The following ZNF780A variants were observed in gnomAD, a reference collection of about 807,000 sequenced individuals.
ZNF780A encodes zinc finger protein 780A.
Under a neutral mutation model 56.7 loss-of-function variants are expected in ZNF780A, and 40 were observed. The observed-to-expected ratio is 0.71, with a 90% CI of 0.55 to 0.92. The LOEUF (loss-of-function observed/expected upper bound fraction) is 0.92. Ranked by LOEUF, ZNF780A falls within the 40% of genes least tolerant of loss-of-function variation. The pLI, the probability that ZNF780A is intolerant of heterozygous loss-of-function variation, is 0.00. For synonymous variants in ZNF780A, 231 were observed against 248.3 expected (o/e 0.93, Z 0.66); for missense variants, 672 against 783.3 (o/e 0.86, Z 1.70).
chr19:40,074,569 GA>G lies in ZNF780A; in HGVS notation c.1872del (p.Thr626ProfsTer112). ...TTCTTATGGCGATTAAGCTGGGTGGGAAGACTAAAAACCTTTCCACATTCCT... is the reference window on the plus strand; with the variant it reads ...TTCTTATGGCGATTAAGCTGGGTGGGAGACTAAAAACCTTTCCACATTCCT... ...ECKECGKVFS[L>X]PTQLNRHKNI... On this transcript the variant is annotated frameshift_variant, in exon 6 of 6. Transcript: ENST00000683561. LOFTEE classifies it high-confidence loss of function. 1.2e-6 allele frequency: 2 copies of G among 1,613,926 alleles called. No homozygotes were observed. Among genetic ancestry groups the G allele is most frequent in the Non-Finnish European group, 1.7e-6 (2 of 1,179,962 alleles).
intron 1 of ZNF780A, 85 bp downstream of exon 1, chr19:40,090,821 C>T (rs1975125938): frequency 6.6e-6 from 1 of 152,458 alleles, no homozygotes; most frequent in Non-Finnish European, 1.5e-5. Context: ...AGGCCACCCG[C>T]ACTGTCGGGT....
downstream of ZNF780A, chr19:40,070,885 G>A (rs866154519): frequency 1.3e-5 from 2 of 152,012 alleles, no homozygotes; most frequent in African/African-American, 4.8e-5. Flanking sequence ...GTTGTGCTGG[G>A]TTAATACCCA....
chr19:40,074,574 C>T lies in ZNF780A; in HGVS notation c.1868G>A (p.Ser623Asn), dbSNP rs1207239428. ...ATGGCGATTAAGCTGGGTGGGAAGACTAAAAACCTTTCCACATTCCTTACA... is the reference window on the plus strand; with the variant it reads ...ATGGCGATTAAGCTGGGTGGGAAGATTAAAAACCTTTCCACATTCCTTACA... ...FECKECGKVF[S>N]LPTQLNRHKN... Residue 623 changes from serine to asparagine, a missense_variant, in exon 6 of 6, where the codon AGT becomes AAT. Coordinates refer to ENST00000683561, the MANE Select transcript of ZNF780A (RefSeq NM_001142578.2). The T allele has an allele frequency of 6.2e-7, 1 of 1,613,998 alleles. No individual in the cohort carries two copies. The highest frequency in any genetic ancestry group is 1.1e-5 in the South Asian group (1 of 91,068).
chr19:40,073,817 C>G lies in ZNF780A; in HGVS notation c.*699G>C, dbSNP rs114039231. The G allele has an allele frequency of 9.7e-4, 956 of 989,450 alleles. 9 individuals carry two copies. In the African/African-American group the frequency reaches 0.016, roughly 16 times the overall value. The allele number at this position is 989,450 out of a possible 1,614,324, so 61.3% of individuals were successfully genotyped here. ...TGGTGTTGAGTAAATTTTTCGTACA[C>G]AGTGAAGGCTTGTCCACACTCCTTA... On this transcript the variant is annotated 3_prime_UTR_variant, in exon 6 of 6. Transcript: ENST00000683561.
chr19:40,089,161 G>C (rs1042910716), intron 2 of ZNF780A: 9 of 1,148,558 alleles, frequency 7.8e-6, no homozygotes, highest in Non-Finnish European at 1.0e-5. Flanking sequence ...AAAATGCTAG[G>C]AGGGTGGATA....
rs188848931 is a variant in ZNF780A, at chr19:40,084,379, T to C, written c.9+366A>G. ...TCTACCTTAGCTACCTGGAAAGCTC[T>C]AGTCTGTAAAGTTTCAAAGTGTTCC... On this transcript the variant is annotated intron_variant, in intron 3 of 5. Transcript: ENST00000683561. Among the ~76,000 whole-genome samples, 829 of 152,340 alleles carry C rather than the reference T, an allele frequency of 5.4e-3. 1 individual carries two copies. Among genetic ancestry groups the C allele is most frequent in the Admixed American group, 8.6e-3 (131 of 15,282 alleles).
chr19:40,085,318 T>C, intron 2 of ZNF780A: 1 of 985,454 alleles, frequency 1.0e-6, no homozygotes, highest in Non-Finnish European at 1.2e-6. Context: ...TTCAGCATTC[T>C]AAATTCAGCA....
At chr19:40,077,051 C>A (rs974915039) in intron 5 of ZNF780A, among the ~76,000 whole-genome samples, 8 of 152,100 alleles carry the variant, frequency 5.3e-5, no homozygotes, top group African/African-American at 1.9e-4. Context: ...ATACCACTAC[C>A]ACTGCCAGCA....
At chr19:40,084,457 T>C (rs1974667653) in intron 3 of ZNF780A, among the ~76,000 whole-genome samples, 1 of 152,216 alleles carries the variant, frequency 6.6e-6, no homozygotes, top group South Asian at 2.1e-4. Flanking sequence ...CCTGTTTCCC[T>C]GTGGGGACTG....
intron 5 of ZNF780A, among the ~76,000 whole-genome samples, chr19:40,077,536 T>C (rs1330448203): frequency 6.6e-6 from 1 of 151,950 alleles, no homozygotes; most frequent in Non-Finnish European, 1.5e-5. Context: ...ACCCCTATGA[T>C]CCAATTACCT....
downstream of ZNF780A, chr19:40,072,283 C>A (rs568789987): frequency 3.5e-5 from 6 of 169,496 alleles, no homozygotes; most frequent in South Asian, 3.0e-4. Flanking sequence ...CAGTTGTTGG[C>A]CAACCTCCCC....
At chr19:40,090,873 C>T (rs1173192479) in intron 1 of ZNF780A, 33 bp downstream of exon 1, 1 of 152,390 alleles carries the variant, frequency 6.6e-6, no homozygotes, top group Non-Finnish European at 1.5e-5. Flanking sequence ...CTCCCGCAGC[C>T]ACAGATCTCT....
intron 3 of ZNF780A, 64 bp downstream of exon 3, chr19:40,084,681 T>C (rs1429462724): frequency 2.7e-6 from 4 of 1,501,540 alleles, no homozygotes; most frequent in Admixed American, 2.0e-5. Context: ...TCAGGTTAAA[T>C]AATAACAGTC....
At position 40,074,589 on chromosome 19, in the gene ZNF780A, C is replaced by T. The variant is rs765756011; in HGVS notation, c.1853G>A (p.Cys618Tyr). 10 of 1,613,962 alleles carry T rather than the reference C, an allele frequency of 6.2e-6. No individual in the cohort carries two copies. Among genetic ancestry groups the T allele is most frequent in the East Asian group, 2.2e-5 (1 of 44,874 alleles). ...GGTGGGAAGACTAAAAACCTTTCCA[C>T]ATTCCTTACATTCAAAGGGTTTCTC... is the stretch of plus-strand genomic sequence containing the variant. The part of the protein sequence containing the change: ...TGEKPFECKE[C>Y]GKVFSLPTQL... Residue 618 changes from cysteine to tyrosine, a missense_variant, in exon 6 of 6, where the codon TGT becomes TAT. By Grantham distance (194) the Cys-to-Tyr change is radical (BLOSUM62 -2). Coordinates refer to ENST00000683561, the MANE Select transcript of ZNF780A (RefSeq NM_001142578.2).
intron 2 of ZNF780A, chr19:40,089,516 T>C (rs779336595): frequency 4.2e-5 from 13 of 307,406 alleles, no homozygotes; most frequent in Non-Finnish European, 7.3e-5. Context: ...TAAGGGGCTT[T>C]ACGATATTAA....
rs1975132397 is a variant in ZNF780A at position 40,090,906 on chromosome 19, C to G, written c.-116G>C. ...TCTTCCTCAGACGTGAAGACCTTAC[C>G]CCGCTATGTCGTCGACCCCGGAGAC... On this transcript the variant is annotated splice_region_variant and 5_prime_UTR_variant, in exon 1 of 6. Coordinates refer to ENST00000683561, the MANE Select transcript of ZNF780A (RefSeq NM_001142578.2). The G allele has an allele frequency of 6.6e-6, 1 of 152,304 alleles. No individual in the cohort carries two copies. Among genetic ancestry groups the G allele is most frequent in the Non-Finnish European group, 1.5e-5 (1 of 68,158 alleles). The allele number at this position is 152,304 out of a possible 1,614,324, so 9.4% of individuals were successfully genotyped here. A position where few individuals can be genotyped will look rare whatever the true frequency, so the allele number is the denominator to read the frequency against.
At position 40,076,216 on chromosome 19, in the gene ZNF780A, G is replaced by A; in HGVS notation, c.233-7C>T. ...CCATATTTTAACTCCAAATCTGAAA[G>A]AAATGAAGAAAGCAAACCTATTTTA... On this transcript the variant is annotated splice_region_variant and splice_polypyrimidine_tract_variant and intron_variant, in intron 5 of 5. Transcript: ENST00000683561. The A allele has an allele frequency of 6.5e-7, 1 of 1,536,032 alleles. No homozygotes were observed. The highest frequency in any genetic ancestry group is 8.7e-7 in the Non-Finnish European group (1 of 1,148,690).
In ZNF780A at chr19:40,074,064, C is replaced by A. The variant is rs1973940127; in HGVS notation, c.*452G>T. ...TCTTTGATGTGCAGTCAGGACCAAA[C>A]TAAATCTGAAAGTTTTCCCACACTC... On this transcript the variant is annotated 3_prime_UTR_variant, in exon 6 of 6. Transcript: ENST00000683561. 1 of 1,254,094 alleles carries A rather than the reference C, an allele frequency of 8.0e-7. No individual in the cohort carries two copies. The highest frequency in any genetic ancestry group is 1.0e-6 in the Non-Finnish European group (1 of 979,310). 77.7% of individuals were successfully genotyped at this position (1,254,094 alleles called of 1,614,324 possible). A position where few individuals can be genotyped will look rare whatever the true frequency, so the allele number is the denominator to read the frequency against.
intron 5 of ZNF780A, among the ~76,000 whole-genome samples, chr19:40,078,398 C>T (rs776805953): frequency 1.2e-4 from 19 of 152,104 alleles, no homozygotes; most frequent in Non-Finnish European, 7.4e-5. Flanking sequence ...TGGCAACTTT[C>T]CAATTCTAGC....
Sources: allele counts gnomAD v4.1 joint callset (sites outside exome capture counted in the v4.1 genomes callset), GRCh38; gene constraint gnomAD v4.1.1; transcripts MANE v1.5; gene names NCBI Gene and HGNC (gene_info 2026-07-23, HGNC 2026-07-21).